Variants in GPC5 observed in about 807,000 individuals in gnomAD.
GPC5 encodes glypican 5.
GPC5 carries 47 observed loss-of-function variants against 53.9 expected under a neutral mutation model. The ratio of observed to expected loss-of-function variants is 0.87; its 90% CI spans 0.69 to 1.11. The LOEUF is 1.11. Ranked by LOEUF, GPC5 falls within the 50% of genes most tolerant of loss-of-function variation. The pLI is 0.00. For missense variants in GPC5, 748 were observed against 713.1 expected (o/e 1.05, Z -0.56); for synonymous variants, 286 against 263.3 (o/e 1.09, Z -0.84).
At chr13:92,482,251 T>C (rs532179101) in intron 7 of GPC5, among the ~76,000 whole-genome samples, 1 of 152,198 alleles carries the variant, frequency 6.6e-6, no homozygotes, top group African/African-American at 2.4e-5. Flanking sequence ...ACGTGTCTTA[T>C]GTCCACATGT....
chr13:91,511,283 G>A (rs1318548204), intron 2 of GPC5, among the ~76,000 whole-genome samples: 1 of 151,954 alleles, frequency 6.6e-6, no homozygotes, highest in Non-Finnish European at 1.5e-5. Flanking sequence ...AATGCATTCT[G>A]TTTTTCTCTA....
intron 1 of GPC5, among the ~76,000 whole-genome samples, chr13:91,436,714 A>C (rs1594088287): frequency 1.3e-5 from 2 of 152,152 alleles, no homozygotes. Context: ...TGCTTGGTGC[A>C]GAGCTGAGTT....
At chr13:92,473,743 T>C (rs2139424669) in intron 7 of GPC5, among the ~76,000 whole-genome samples, 4 of 152,254 alleles carry the variant, frequency 2.6e-5, no homozygotes, top group Admixed American at 2.6e-4. Flanking sequence ...GTTTTTATAG[T>C]GTCATCATAA....
intron 7 of GPC5, among the ~76,000 whole-genome samples, chr13:92,604,398 A>C: frequency 6.6e-6 from 1 of 152,208 alleles, no homozygotes; most frequent in Non-Finnish European, 1.5e-5. Flanking sequence ...AAATAAAATA[A>C]AAGACATAGA....
At chr13:92,342,751 T>TA (rs1436515713) in intron 7 of GPC5, among the ~76,000 whole-genome samples, 4 of 152,150 alleles carry the variant, frequency 2.6e-5, no homozygotes, top group African/African-American at 4.8e-5. Flanking sequence ...TCCTCTGGAT[T>TA]AAAAAACTTT....
rs1880656501 is a variant in GPC5, at chr13:92,513,550, CCTTTCCTT to C, written c.1562-352731_1562-352724del. On this transcript the variant is annotated intron_variant, in intron 7 of 7. Coordinates refer to ENST00000377067, the MANE Select transcript of GPC5 (RefSeq NM_004466.6). The stretch of plus-strand genomic sequence containing the variant: ...TCTTTCCCTCCCTTTCTCTCCCTTT[CCTTTCCTT>C]TCCTTTCCTTTTTCCTTTTTTCTTT... Among the ~76,000 whole-genome samples, 5 of 26,838 alleles carry C rather than the reference CCTTTCCTT, an allele frequency of 1.9e-4. No homozygotes were observed. The South Asian group carries it at 8.4e-3, about 45-fold the overall frequency. 17.6% of individuals were successfully genotyped at this position (26,838 alleles called of 152,430 possible). A position where few individuals can be genotyped will look rare whatever the true frequency, so the allele number is the denominator to read the frequency against.
chr13:92,257,545 G>GGTTTTTTTTTTTTTTTTTTT (rs1566507028), intron 7 of GPC5, among the ~76,000 whole-genome samples: 2 of 50,050 alleles, frequency 4.0e-5, no homozygotes, highest in Non-Finnish European at 7.6e-5. Context: ...CTAATACAGG[G>GGTTTTTTTTTTTTTTTTTTT]ATTTTTTTTT....
Position 92,381,897 on chromosome 13 carries a change from AATCATATATATGATATATATAATCATAT to A in GPC5, c.1561+236911_1561+236938del, listed in dbSNP as rs1320830275. ...ATATATGATTATATATATTATATAT[AATCATATATATGATATATATAATCATAT>A]ATATGATTATATATGAAATAATATC... On this transcript the variant is annotated intron_variant, in intron 7 of 7. Transcript: ENST00000377067. Among the ~76,000 whole-genome samples the A allele has an allele frequency of 5.6e-3, 572 of 101,320 alleles. 16 individuals are homozygous for A. Among genetic ancestry groups the A allele is most frequent in the African/African-American group, 0.02 (552 of 27,092 alleles). The allele number at this position is 101,320 out of a possible 152,430, so 66.5% of individuals were successfully genotyped here.
At chr13:91,631,700 G>A (rs2034162216) in intron 2 of GPC5, among the ~76,000 whole-genome samples, 1 of 152,024 alleles carries the variant, frequency 6.6e-6, no homozygotes, top group Admixed American at 6.6e-5. Flanking sequence ...AAGCCTCTGT[G>A]TCTGTTGGTA....
intron 5 of GPC5, among the ~76,000 whole-genome samples, chr13:91,776,824 G>A (rs947441876): frequency 1.3e-5 from 2 of 152,182 alleles, no homozygotes; most frequent in African/African-American, 4.8e-5. Flanking sequence ...TGGCTCACAT[G>A]AGTAATAAGA....
intron 6 of GPC5, among the ~76,000 whole-genome samples, chr13:92,002,230 C>T (rs1051685882): frequency 6.6e-6 from 1 of 152,044 alleles, no homozygotes; most frequent in Non-Finnish European, 1.5e-5. Context: ...AAAAAGAATG[C>T]TTCTATACAG....
chr13:91,632,791 C>T (rs2034191849), intron 2 of GPC5, among the ~76,000 whole-genome samples: 1 of 152,150 alleles, frequency 6.6e-6, no homozygotes, highest in East Asian at 1.9e-4. Context: ...CCTGAGGATC[C>T]TGACACAGGG....
At chr13:91,993,107 CAT>C (rs1404497269) in intron 6 of GPC5, among the ~76,000 whole-genome samples, 1 of 152,164 alleles carries the variant, frequency 6.6e-6, no homozygotes, top group Non-Finnish European at 1.5e-5. Context: ...GAGACAGACA[CAT>C]ATTGTTCATG....
rs9589356 is a variant in GPC5 at position 91,813,969 on chromosome 13, G to C, written c.1280+57549G>C. Among the ~76,000 whole-genome samples, 362 of 108,638 alleles carry C rather than the reference G, an allele frequency of 3.3e-3. 1 individual carries two copies. The highest frequency in any genetic ancestry group is 0.012 in the African/African-American group (342 of 27,534). 71.3% of individuals were successfully genotyped at this position (108,638 alleles called of 152,430 possible). ...TTTTTTTGAGACAGAGTATTGCTCT[G>C]TCACCCAGGCTGGAGTGCAGTGGCG... On this transcript the variant is annotated intron_variant, in intron 5 of 7. Coordinates refer to ENST00000377067, the MANE Select transcript of GPC5 (RefSeq NM_004466.6).
chr13:92,091,539 A>G (rs1378374074), intron 6 of GPC5, among the ~76,000 whole-genome samples: 3 of 152,100 alleles, frequency 2.0e-5, no homozygotes, highest in Non-Finnish European at 2.9e-5. Context: ...ACTAGCTACT[A>G]TATGCTATAA....
intron 4 of GPC5, among the ~76,000 whole-genome samples, chr13:91,749,306 C>G (rs1048072118): frequency 6.6e-6 from 1 of 152,170 alleles, no homozygotes; most frequent in East Asian, 1.9e-4. Flanking sequence ...ATTAATTTCA[C>G]TTAACATAAT....
intron 7 of GPC5, among the ~76,000 whole-genome samples, chr13:92,396,487 TTTG>T (rs1875277953): frequency 6.6e-6 from 1 of 151,790 alleles, no homozygotes; most frequent in African/African-American, 2.4e-5. Flanking sequence ...TGATTTTGTT[TTTG>T]TTTTTTGTGT....
At chr13:92,101,870 A>T (rs1312048225) in intron 6 of GPC5, among the ~76,000 whole-genome samples, 1 of 152,172 alleles carries the variant, frequency 6.6e-6, no homozygotes, top group East Asian at 1.9e-4. Context: ...TTTTAAAGGG[A>T]AAAATAAATC....
At chr13:91,923,694 A>G (rs535829222) in intron 6 of GPC5, among the ~76,000 whole-genome samples, 19 of 152,312 alleles carry the variant, frequency 1.2e-4, no homozygotes, top group South Asian at 2.1e-4. Context: ...AGGCATTTAT[A>G]TACCTATCTA....
Sources: gnomAD v4.1 joint callset for allele counts (sites outside exome capture counted in the v4.1 genomes callset) on GRCh38, gnomAD v4.1.1 for gene constraint, MANE v1.5 for transcripts, NCBI Gene and HGNC (gene_info 2026-07-23, HGNC 2026-07-21) for gene names.